Variants in BANP observed in about 807,000 individuals in gnomAD.
BANP encodes protein BANP.
Under a neutral mutation model 68.1 loss-of-function variants are expected in BANP, and 11 were observed. That is an observed-to-expected ratio of 0.16 (90% CI 0.10 to 0.27). The LOEUF (loss-of-function observed/expected upper bound fraction) is 0.27. Ranked by LOEUF, BANP falls within the 10% of genes least tolerant of loss-of-function variation. BANP has a pLI of 1.00. For synonymous variants in BANP, 329 were observed against 303.2 expected, an observed-to-expected ratio of 1.09 and a Z score of -0.88; for missense variants, 504 against 722.7, an observed-to-expected ratio of 0.70 and a Z score of 3.47.
At chr16:88,000,268 A>G (rs1295361735) in intron 4 of BANP, among the ~76,000 whole-genome samples, 2 of 26,902 alleles carry the variant, frequency 7.4e-5, no homozygotes, top group African/African-American at 3.3e-4. Flanking sequence ...CCTTCCAGAC[A>G]CGTCTCCATG....
chr16:88,053,504 CCAT>C (rs1405816692), intron 11 of BANP, among the ~76,000 whole-genome samples: 51 of 145,688 alleles, frequency 3.5e-4, no homozygotes, highest in Non-Finnish European at 6.1e-4. Flanking sequence ...ACTGTCATCT[CCAT>C]CATCATCACC....
In BANP at chr16:88,077,019, A is replaced by C. The variant is rs2091719714; in HGVS notation, c.*358A>C. 8.5e-6 allele frequency: 2 copies of C among 235,440 alleles called. No homozygotes were observed. Among genetic ancestry groups the C allele is most frequent in the African/African-American group, 4.6e-5 (2 of 43,228 alleles). The allele number at this position is 235,440 out of a possible 1,614,324, so 14.6% of individuals were successfully genotyped here. A position where few individuals can be genotyped will look rare whatever the true frequency, so the allele number is the denominator to read the frequency against. On this transcript the variant is annotated 3_prime_UTR_variant, in exon 14 of 14. Coordinates refer to ENST00000682872, the MANE Select transcript of BANP (RefSeq NM_001386991.1). ...AACAAAAAAGAAAATTTGAAAAAAA[A>C]AATCCCAGGGGAGTAGCAGGAGCCC... is the stretch of plus-strand genomic sequence containing the variant.
intron 1 of BANP, among the ~76,000 whole-genome samples, chr16:87,965,266 T>G (rs961104359): frequency 6.6e-6 from 1 of 152,046 alleles, no homozygotes; most frequent in Non-Finnish European, 1.5e-5. Flanking sequence ...TGGAGCAGTT[T>G]TGGGGGAGTA....
Position 88,072,124 on chromosome 16 carries a change from G to T in BANP, c.1433G>T (p.Gly478Val), listed in dbSNP as rs1342871918. Residue 478 changes from glycine to valine, a missense_variant, in exon 13 of 14, where the codon GGC (glycine) becomes GTC (valine). By Grantham distance (109) the Gly-to-Val change is moderately radical. Transcript: ENST00000682872. ...AVASSDPAAA[G>V]VDGSPLQGSD... Reference sequence around the variant, plus strand: ...GCCTCCTCGGACCCCGCGGCGGCGGGCGTGGATGGGTCGCCACTCCAGGGC... The same window carrying T: ...GCCTCCTCGGACCCCGCGGCGGCGGTCGTGGATGGGTCGCCACTCCAGGGC... 2.5e-6 allele frequency: 4 copies of T among 1,608,666 alleles called. No homozygotes were observed. The African/African-American group carries it at 4.0e-5, about 16-fold the overall frequency.
intron 6 of BANP, among the ~76,000 whole-genome samples, chr16:88,017,748 C>A (rs527916301): frequency 6.6e-6 from 1 of 152,260 alleles, no homozygotes; most frequent in Non-Finnish European, 1.5e-5. Flanking sequence ...GGCACCGTGT[C>A]TCCTCCATGT....
At chr16:87,979,593 G>A (rs1047365635) in intron 2 of BANP, among the ~76,000 whole-genome samples, 1 of 152,198 alleles carries the variant, frequency 6.6e-6, no homozygotes, top group East Asian at 1.9e-4. Context: ...TCTGGCCACA[G>A]TGAGGTCATC....
At chr16:87,967,010 G>A (rs2060139798) in intron 1 of BANP, among the ~76,000 whole-genome samples, 1 of 152,226 alleles carries the variant, frequency 6.6e-6, no homozygotes, top group South Asian at 2.1e-4. Context: ...GGGAGGAGGA[G>A]CACGGAAGAA....
intron 1 of BANP, among the ~76,000 whole-genome samples, chr16:87,969,408 C>T (rs1239615802): frequency 6.6e-6 from 1 of 152,134 alleles, no homozygotes; most frequent in Non-Finnish European, 1.5e-5. Context: ...CCAGCAAAAG[C>T]GCAACAGCCA....
chr16:88,065,770 G>A (rs549089907), intron 12 of BANP, among the ~76,000 whole-genome samples: 1 of 152,304 alleles, frequency 6.6e-6, no homozygotes, highest in South Asian at 2.1e-4. Context: ...CTGGGCTGGT[G>A]GCAGGACCAG....
intron 13 of BANP, among the ~76,000 whole-genome samples, chr16:88,072,546 C>T (rs1221145837): frequency 6.6e-6 from 1 of 152,250 alleles, no homozygotes; most frequent in African/African-American, 2.4e-5. Flanking sequence ...GCCCCTTTAG[C>T]CGGAGAGCTC....
At chr16:87,998,340 A>T (rs1354317746) in intron 4 of BANP, among the ~76,000 whole-genome samples, 1 of 152,148 alleles carries the variant, frequency 6.6e-6, no homozygotes, top group Non-Finnish European at 1.5e-5. Flanking sequence ...TCACAGGGGG[A>T]CTTTGGCCTC....
intron 6 of BANP, among the ~76,000 whole-genome samples, chr16:88,007,612 T>G (rs1012066687): frequency 2.0e-5 from 3 of 152,236 alleles, no homozygotes; most frequent in African/African-American, 7.2e-5. Context: ...AAGCATGTGT[T>G]TTCCTTGCTT....
At chr16:87,951,255 G>A (rs553713710), upstream of BANP, among the ~76,000 whole-genome samples, 140 of 152,318 alleles carry the variant, frequency 9.2e-4, 1 homozygote, top group African/African-American at 3.3e-3. Flanking sequence ...GCCCTGGGAA[G>A]CCGGTACCGT....
chr16:88,015,216 TTGTGCCCTCTGCC>T (rs2074248328), intron 6 of BANP, among the ~76,000 whole-genome samples: 1 of 141,540 alleles, frequency 7.1e-6, no homozygotes, highest in East Asian at 2.2e-4. Flanking sequence ...ATCCCTCTGC[TTGTGCCCTCTGCC>T]TGTGCCCCTT....
intron 7 of BANP, among the ~76,000 whole-genome samples, chr16:88,019,907 T>C (rs2075658888): frequency 6.6e-6 from 1 of 152,198 alleles, no homozygotes; most frequent in Non-Finnish European, 1.5e-5. Context: ...CAGGTTTTTC[T>C]GGAAGCTGCT....
In BANP at chr16:87,981,045, A is replaced by G; in HGVS notation, c.80A>G (p.Glu27Gly). ...DLSPDHPVVL[E>G]NHVVTDEDEP... The stretch of plus-strand genomic sequence containing the variant: ...CTGTCACTGATTTCAGTTGTTTTGG[A>G]GAATCATGTAGTGACAGATGAAGAC... Residue 27 changes from glutamate (E) to glycine (G), a missense_variant, in exon 3 of 14, where the codon GAG becomes GGG. Coordinates refer to ENST00000682872, the MANE Select transcript of BANP (RefSeq NM_001386991.1). 1 of 1,612,530 alleles carries G rather than the reference A, an allele frequency of 6.2e-7. No homozygotes were observed. Among genetic ancestry groups the G allele is most frequent in the Non-Finnish European group, 8.5e-7 (1 of 1,178,762 alleles).
At chr16:87,955,641 T>C (rs1284169157) in intron 1 of BANP, among the ~76,000 whole-genome samples, 1 of 152,002 alleles carries the variant, frequency 6.6e-6, no homozygotes, top group Non-Finnish European at 1.5e-5. Flanking sequence ...CTTCTGTCTG[T>C]GATATTTACA....
chr16:88,024,614 G>A (rs2076625848), intron 7 of BANP, among the ~76,000 whole-genome samples: 1 of 152,242 alleles, frequency 6.6e-6, no homozygotes, highest in African/African-American at 2.4e-5. Context: ...TCTGCGGGCG[G>A]CGCCTGCACC....
chr16:88,072,959 T>C (rs1048413557), intron 13 of BANP, among the ~76,000 whole-genome samples: 16 of 152,220 alleles, frequency 1.1e-4, no homozygotes, highest in African/African-American at 3.4e-4. Context: ...CTGGCCGCTG[T>C]CTTTGGGTCT....
Sources: allele counts gnomAD v4.1 joint callset (sites outside exome capture counted in the v4.1 genomes callset), GRCh38; gene constraint gnomAD v4.1.1; transcripts MANE v1.5; gene names NCBI Gene and HGNC (gene_info 2026-07-23, HGNC 2026-07-21).